Variants in ZNF385D observed in about 807,000 individuals in gnomAD.
ZNF385D encodes zinc finger protein 659.
ZNF385D carries 15 observed loss-of-function variants against 35.8 expected under a neutral mutation model. The ratio of observed to expected loss-of-function variants is 0.42; its 90% confidence interval spans 0.28 to 0.64. ZNF385D has a LOEUF of 0.64. ZNF385D is among the 30% of genes least tolerant of loss of function. The probability of loss-of-function intolerance (pLI) is 0.23; values close to 1 mark genes in which losing one functional copy is unlikely to be tolerated. For synonymous variants in ZNF385D, 212 were observed against 186.8 expected, an observed-to-expected ratio of 1.13 and a Z score of -1.10; for missense variants, 474 against 494.6, an observed-to-expected ratio of 0.96 and a Z score of 0.39.
At chr3:22,147,426 G>T (rs1422620295) in intron 3 of ZNF385D, among the ~76,000 whole-genome samples, 4 of 152,120 alleles carry the variant, frequency 2.6e-5, no homozygotes, top group African/African-American at 9.7e-5. Flanking sequence ...CTATCCTGAG[G>T]CTTTTGCTGT....
intron 3 of ZNF385D, among the ~76,000 whole-genome samples, chr3:21,791,593 A>G (rs2071927917): frequency 1.3e-5 from 2 of 152,206 alleles, no homozygotes; most frequent in African/African-American, 4.8e-5. Context: ...CCCAGTGAAC[A>G]TTTTACAAAA....
chr3:21,589,281 C>CAAAG (rs1189303276), intron 2 of ZNF385D, among the ~76,000 whole-genome samples: 5 of 152,162 alleles, frequency 3.3e-5, no homozygotes, highest in African/African-American at 7.2e-5. Context: ...CAAGCAAGTG[C>CAAAG]AAAGACCCTG....
intron 2 of ZNF385D, among the ~76,000 whole-genome samples, chr3:22,329,508 T>G (rs1411775655): frequency 6.6e-6 from 1 of 152,122 alleles, no homozygotes; most frequent in Non-Finnish European, 1.5e-5. Flanking sequence ...CTTACTTTAT[T>G]TATCTTAAAA....
chr3:22,166,792 T>G (rs961227722), intron 3 of ZNF385D, among the ~76,000 whole-genome samples: 2 of 152,230 alleles, frequency 1.3e-5, no homozygotes, highest in African/African-American at 4.8e-5. Context: ...TGTTCTAGTT[T>G]TGTTCTATAA....
intron 3 of ZNF385D, among the ~76,000 whole-genome samples, chr3:21,969,466 T>C (rs575223261): frequency 6.6e-6 from 1 of 152,304 alleles, no homozygotes; most frequent in Admixed American, 6.5e-5. Context: ...TCTTCAGCCA[T>C]GCTGAGCTGT....
At chr3:22,258,599 A>G (rs1576576824) in intron 2 of ZNF385D, among the ~76,000 whole-genome samples, 1 of 151,730 alleles carries the variant, frequency 6.6e-6, no homozygotes, top group Admixed American at 6.6e-5. Flanking sequence ...CACCTACTGC[A>G]GAAGTTTTCA....
intron 4 of ZNF385D, among the ~76,000 whole-genome samples, chr3:21,470,634 T>C (rs959363276): frequency 1.4e-4 from 22 of 152,266 alleles, no homozygotes; most frequent in Non-Finnish European, 3.1e-4. Flanking sequence ...CAAATGGTTT[T>C]CCCAGCGTTT....
chr3:21,681,093 C>T (rs767814274), intron 1 of ZNF385D, among the ~76,000 whole-genome samples: 74 of 151,984 alleles, frequency 4.9e-4, no homozygotes, highest in East Asian at 3.5e-3. Flanking sequence ...CTGGTAAATT[C>T]CAATTACAGA....
chr3:21,760,812 T>C (rs1350582286), intron 3 of ZNF385D, among the ~76,000 whole-genome samples: 1 of 152,178 alleles, frequency 6.6e-6, no homozygotes, highest in Non-Finnish European at 1.5e-5. Flanking sequence ...AATTCAATGG[T>C]AGTATTGGTC....
chr3:21,581,883 G>A (rs34356086), intron 2 of ZNF385D, among the ~76,000 whole-genome samples: 30,419 of 152,018 alleles, frequency 0.2, 3,820 homozygotes, highest in Non-Finnish European at 0.28. Context: ...GATTCAACTC[G>A]ATGTTTAAAA....
chr3:21,425,751 A>G, intron 5 of ZNF385D, 81 bp from the exon 6 acceptor site: 1 of 1,348,596 alleles, frequency 7.4e-7, no homozygotes, highest in African/African-American at 1.5e-5. Flanking sequence ...GGGAGGAAAA[A>G]AATCTTAGCT....
intron 2 of ZNF385D, among the ~76,000 whole-genome samples, chr3:22,318,644 T>C (rs1366202505): frequency 6.6e-6 from 1 of 152,066 alleles, no homozygotes; most frequent in Non-Finnish European, 1.5e-5. Flanking sequence ...GATAAGCAGA[T>C]ATTAAGCAGA....
chr3:21,912,354 T>C (rs1194660170), intron 3 of ZNF385D, among the ~76,000 whole-genome samples: 4 of 149,606 alleles, frequency 2.7e-5, no homozygotes, highest in Non-Finnish European at 5.9e-5. Flanking sequence ...AGTGGACTTC[T>C]GGGGAGATGA....
intron 3 of ZNF385D, among the ~76,000 whole-genome samples, chr3:21,762,225 T>C (rs1460122694): frequency 6.6e-6 from 1 of 152,134 alleles, no homozygotes; most frequent in Admixed American, 6.6e-5. Context: ...TATTCGAAGT[T>C]CTCTCCTGTT....
At chr3:21,949,923 A>G (rs1384711844) in intron 3 of ZNF385D, among the ~76,000 whole-genome samples, 1 of 152,112 alleles carries the variant, frequency 6.6e-6, no homozygotes, top group Non-Finnish European at 1.5e-5. Context: ...TCCATGGTGT[A>G]TATGTGCCAC....
chr3:22,349,496 C>T (rs537688983), intron 2 of ZNF385D, among the ~76,000 whole-genome samples: 49 of 152,036 alleles, frequency 3.2e-4, no homozygotes, highest in Non-Finnish European at 6.9e-4. Flanking sequence ...GTGTTTCCTA[C>T]CTCACACGTA....
At chr3:21,439,083 A>G (rs1045895195) in intron 4 of ZNF385D, among the ~76,000 whole-genome samples, 4 of 152,078 alleles carry the variant, frequency 2.6e-5, no homozygotes, top group Non-Finnish European at 5.9e-5. Context: ...CTAATTTGCG[A>G]AGTGTTTTAC....
intron 2 of ZNF385D, among the ~76,000 whole-genome samples, chr3:22,273,461 G>C (rs1185438503): frequency 6.6e-6 from 1 of 151,894 alleles, no homozygotes; most frequent in Non-Finnish European, 1.5e-5. Context: ...TGGTTCTACT[G>C]GTATCGAATG....
At chr3:21,808,881 T>G (rs1175170170) in intron 3 of ZNF385D, among the ~76,000 whole-genome samples, 1 of 152,120 alleles carries the variant, frequency 6.6e-6, no homozygotes, top group East Asian at 1.9e-4. Context: ...AGCACCAAAG[T>G]AGGACAGATT....
Sources: allele counts gnomAD v4.1 joint callset (sites outside exome capture counted in the v4.1 genomes callset), GRCh38; gene constraint gnomAD v4.1.1; transcripts MANE v1.5; gene names NCBI Gene and HGNC (gene_info 2026-07-23, HGNC 2026-07-21).